The following CCDC148 variants were observed in gnomAD, a reference collection of about 807,000 sequenced individuals.
The protein encoded by CCDC148 is coiled-coil domain containing 148, also known as coiled-coil domain-containing protein 148.
Under a neutral mutation model 85.7 loss-of-function variants are expected in CCDC148, and 89 were observed. The observed-to-expected ratio is 1.04, with a 90% CI of 0.87 to 1.24. The LOEUF (loss-of-function observed/expected upper bound fraction) is 1.24, where lower values mean the gene tolerates loss of function less well. CCDC148 is among the 50% of genes most tolerant of loss of function. The probability of loss-of-function intolerance (pLI) is 0.00; values close to 1 mark genes in which losing one functional copy is unlikely to be tolerated. For synonymous variants in CCDC148, 230 were observed against 213.9 expected (o/e 1.08, Z -0.66); for missense variants, 692 against 671.7 (o/e 1.03, Z -0.33).
chr2:158,252,855 A>C (rs1173994520), intron 9 of CCDC148, among the ~76,000 whole-genome samples: 1 of 151,046 alleles, frequency 6.6e-6, no homozygotes, highest in African/African-American at 2.5e-5. Context: ...TCCTATGTTA[A>C]ACTCTTTAAG....
chr2:158,249,600 A>G (rs1203914485), intron 10 of CCDC148, among the ~76,000 whole-genome samples: 1 of 152,130 alleles, frequency 6.6e-6, no homozygotes, highest in Non-Finnish European at 1.5e-5. Context: ...TATAACTTCT[A>G]TGTATGTTGT....
chr2:158,185,139 G>T (rs1685093753), intron 11 of CCDC148, among the ~76,000 whole-genome samples: 1 of 152,120 alleles, frequency 6.6e-6, no homozygotes, highest in Admixed American at 6.6e-5. Context: ...ACATTCCAGA[G>T]CAGGACCTTT....
chr2:158,371,734 A>G (rs924179225), intron 1 of CCDC148, among the ~76,000 whole-genome samples: 1 of 149,946 alleles, frequency 6.7e-6, no homozygotes, highest in African/African-American at 2.5e-5. Flanking sequence ...ATATATATAT[A>G]TTCATTCAAC....
At chr2:158,185,077 G>C (rs1279230158) in intron 11 of CCDC148, among the ~76,000 whole-genome samples, 17 of 152,178 alleles carry the variant, frequency 1.1e-4, no homozygotes, top group Admixed American at 1.1e-3. Context: ...AAACATTGCA[G>C]TTATATGCCT....
intron 9 of CCDC148, among the ~76,000 whole-genome samples, chr2:158,284,459 T>G (rs1421462190): frequency 1.3e-5 from 2 of 152,104 alleles, no homozygotes. Flanking sequence ...GAAATTTGGA[T>G]AGCTACTCCA....
intron 9 of CCDC148, among the ~76,000 whole-genome samples, chr2:158,280,150 T>C (rs1195442419): frequency 2.0e-5 from 3 of 152,022 alleles, no homozygotes; most frequent in African/African-American, 4.8e-5. Context: ...AAGGAACAAG[T>C]GGTACCAGCC....
At chr2:158,370,342 G>A (rs1287784649) in intron 1 of CCDC148, among the ~76,000 whole-genome samples, 2 of 151,714 alleles carry the variant, frequency 1.3e-5, no homozygotes, top group Non-Finnish European at 2.9e-5. Flanking sequence ...TCTTGGATGT[G>A]GTATCAAATT....
rs115751024 is a variant in CCDC148 at position 158,220,765 on chromosome 2, T to C, written c.1252-52A>G. On this transcript the variant is annotated intron_variant, in intron 10 of 13. Transcript: ENST00000283233. ...TAAATTAACAACAGATATGTAAAAA[T>C]GAGGGAAAAGCCATAACCATATCCA... The C allele has an allele frequency of 1.2e-3, 1,659 of 1,387,696 alleles. 19 individuals are homozygous for C. The African/African-American group carries it at 0.021, about 18-fold the overall frequency. The allele number at this position is 1,387,696 out of a possible 1,614,324, so 86.0% of individuals were successfully genotyped here. A position where few individuals can be genotyped will look rare whatever the true frequency, so the allele number is the denominator to read the frequency against.
chr2:158,321,031 T>C (rs191852938), intron 7 of CCDC148, among the ~76,000 whole-genome samples: 1 of 152,250 alleles, frequency 6.6e-6, no homozygotes, highest in Admixed American at 6.5e-5. Flanking sequence ...AAGACTAGTT[T>C]TTGAGGGTAT....
At chr2:158,434,454 C>G (rs1477960518) in intron 1 of CCDC148, among the ~76,000 whole-genome samples, 3 of 152,098 alleles carry the variant, frequency 2.0e-5, no homozygotes, top group Non-Finnish European at 4.4e-5. Context: ...GACATCCACA[C>G]CAAAACACCA....
chr2:158,227,271 G>A lies in CCDC148; in HGVS notation c.1252-6558C>T, dbSNP rs1017874001. Among the ~76,000 whole-genome samples the A allele has an allele frequency of 1.1e-4, 17 of 150,208 alleles. 1 individual carries two copies. The highest frequency in any genetic ancestry group is 3.7e-4 in the African/African-American group (15 of 40,458). ...CAAGGGACGTCAAGGACCTCTTCAA[G>A]GAGAACTACAAACCATGGCTCAATG... is the stretch of plus-strand genomic sequence containing the variant. On this transcript the variant is annotated intron_variant, in intron 10 of 13. Coordinates refer to ENST00000283233, the MANE Select transcript of CCDC148 (RefSeq NM_138803.4).
At chr2:158,289,965 C>T (rs1690810134) in intron 9 of CCDC148, among the ~76,000 whole-genome samples, 2 of 152,118 alleles carry the variant, frequency 1.3e-5, no homozygotes. Flanking sequence ...TTATATTACT[C>T]AGGGATGCAT....
chr2:158,420,929 G>C (rs1191658220), intron 1 of CCDC148, among the ~76,000 whole-genome samples: 2 of 152,040 alleles, frequency 1.3e-5, no homozygotes, highest in South Asian at 2.1e-4. Flanking sequence ...AAAAGCAGGG[G>C]TTGCAATCCT....
intron 1 of CCDC148, among the ~76,000 whole-genome samples, chr2:158,432,876 C>A (rs950283080): frequency 2.0e-5 from 3 of 151,586 alleles, no homozygotes; most frequent in Admixed American, 2.0e-4. Context: ...GAGTTCGACA[C>A]CAGCCTGGCC....
At chr2:158,274,090 T>A (rs1689816447) in intron 9 of CCDC148, among the ~76,000 whole-genome samples, 1 of 152,154 alleles carries the variant, frequency 6.6e-6, no homozygotes, top group Non-Finnish European at 1.5e-5. Flanking sequence ...GCATGGGACT[T>A]CAGATTTTAC....
At chr2:158,370,461 A>G (rs1684391569) in intron 1 of CCDC148, among the ~76,000 whole-genome samples, 2 of 152,072 alleles carry the variant, frequency 1.3e-5, no homozygotes, top group South Asian at 2.1e-4. Flanking sequence ...TTTTGAAACA[A>G]AAGTTCTTTT....
At chr2:158,445,554 G>T (rs1688123889) in intron 1 of CCDC148, among the ~76,000 whole-genome samples, 1 of 152,068 alleles carries the variant, frequency 6.6e-6, no homozygotes, top group Non-Finnish European at 1.5e-5. Context: ...GTCTTTCAAA[G>T]ACTTACTTCC....
At chr2:158,433,091 A>AATATATATATATATAT (rs1553521584) in intron 1 of CCDC148, among the ~76,000 whole-genome samples, 58 of 51,296 alleles carry the variant, frequency 1.1e-3, no homozygotes, top group South Asian at 5.1e-3. Context: ...AAAAAAAAAA[A>AATATATATATATATAT]ATATATATAT....
chr2:158,432,821 C>T (rs1021274012), intron 1 of CCDC148, among the ~76,000 whole-genome samples: 4 of 151,812 alleles, frequency 2.6e-5, no homozygotes, highest in Admixed American at 1.3e-4. Flanking sequence ...AGTCTGTAAT[C>T]CCAGCACTTT....
Sources: allele counts gnomAD v4.1 joint callset (sites outside exome capture counted in the v4.1 genomes callset), GRCh38; gene constraint gnomAD v4.1.1; transcripts MANE v1.5; gene names NCBI Gene and HGNC (gene_info 2026-07-23, HGNC 2026-07-21).